The following NLRP2 variants were observed in gnomAD, a reference collection of about 807,000 sequenced individuals.
NLRP2 encodes NLR family pyrin domain containing 2.
NLRP2 carries 107 observed loss-of-function variants against 97.2 expected under a neutral mutation model. The ratio of observed to expected loss-of-function variants is 1.10; its 90% CI spans 0.94 to 1.29. The LOEUF is 1.29. Among genes scored for constraint, NLRP2 ranks in the 50% most tolerant of loss-of-function variants. NLRP2 has a pLI of 0.00. For missense variants in NLRP2, 1,495 were observed against 1,330.3 expected (o/e 1.12, Z -1.93); for synonymous variants, 663 against 551.5 (o/e 1.20, Z -2.83).
intron 4 of NLRP2, 108 bp from the exon 5 acceptor site, chr19:54,981,509 G>GTCC: frequency 2.6e-5 from 10 of 386,502 alleles, no homozygotes; most frequent in South Asian, 6.4e-5. Context: ...CTGATCCCGT[G>GTCC]CCCCCCCTCC....
At chr19:54,989,808 AC>A (rs1191793024) in intron 8 of NLRP2, 1 of 606,178 alleles carries the variant, frequency 1.6e-6, no homozygotes. Context: ...ACATGGAGAG[AC>A]CCCCACCTCT....
chr19:54,980,912 C>T lies in NLRP2; in HGVS notation c.398-705C>T, dbSNP rs373006920. 9.9e-5 allele frequency among the ~76,000 whole-genome samples: 15 copies of T among 152,174 alleles called. 1 individual carries two copies. Among genetic ancestry groups the T allele is most frequent in the East Asian group, 9.7e-4 (5 of 5,168 alleles). On this transcript the variant is annotated intron_variant, in intron 4 of 12. Transcript: ENST00000448584. ...ATCATCTGAGGTCAGCAGTTTTAGA[C>T]TGGCCTGGCCAACATGGCGAAACCC... is the stretch of plus-strand genomic sequence containing the variant.
At chr19:54,971,903 A>C (rs1420990497) in intron 2 of NLRP2, among the ~76,000 whole-genome samples, 1 of 151,728 alleles carries the variant, frequency 6.6e-6, no homozygotes, top group Non-Finnish European at 1.5e-5. Context: ...ATCTCGGCTC[A>C]CTGCAACCTC....
chr19:54,975,112 T>TTTTTTTTG (rs2071127062), intron 3 of NLRP2, among the ~76,000 whole-genome samples: 1 of 13,424 alleles, frequency 7.4e-5, no homozygotes, highest in Admixed American at 8.5e-4. Flanking sequence ...TTTTGTTTTT[T>TTTTTTTTG]TTTTTTTTTT....
rs1368136796 is a variant in NLRP2 at position 54,986,263 on chromosome 19, C to T, written c.2314C>T (p.Pro772Ser). The T allele has an allele frequency of 6.2e-7, 1 of 1,614,062 alleles. No individual in the cohort carries two copies. The highest frequency in any genetic ancestry group is 8.5e-7 in the Non-Finnish European group (1 of 1,179,972). The change falls in exon 8 of 13, where the codon CCC becomes TCC. Residue 772 changes from proline to serine, a missense_variant. Transcript: ENST00000448584. ...LQGNDQDDMF[P>S]ALCEVLRHPE... ...AGGCAATGACCAGGATGATATGTTT[C>T]CCGCATTGTGTGAGGTCTTGAGACA...
intron 2 of NLRP2, among the ~76,000 whole-genome samples, chr19:54,972,189 T>G (rs556739424): frequency 2.4e-4 from 37 of 151,602 alleles, no homozygotes; most frequent in South Asian, 1.7e-3. Context: ...TAACTTTTTT[T>G]TTTGTTTGTT....
intron 3 of NLRP2, 25 bp downstream of exon 3, chr19:54,974,569 T>C (rs974519659): frequency 4.7e-6 from 7 of 1,482,546 alleles, no homozygotes; most frequent in Non-Finnish European, 6.6e-6. Flanking sequence ...TTATAACTTT[T>C]ATTCTTCATG....
chr19:54,976,697 A>G (rs8101556), intron 3 of NLRP2, among the ~76,000 whole-genome samples: 2,230 of 151,638 alleles, frequency 0.015, 56 homozygotes, highest in African/African-American at 0.05. Flanking sequence ...TGAATTTCAC[A>G]TGCCCGTGTC....
chr19:54,984,329 G>GTGTGTTTTTTTTTTTGT lies in NLRP2; in HGVS notation c.2030+602_2030+603insGTGTTTTTTTTTTTGTT. On this transcript the variant is annotated intron_variant, in intron 6 of 12. Transcript: ENST00000448584. ...AACTTAAGTGGGGGTTTTTTTTTGT[G>GTGTGTTTTTTTTTTTGT]TTTTTTTTTTTTTTTTTTTTTTTGG... Among the ~76,000 whole-genome samples, 248 of 79,666 alleles carry GTGTGTTTTTTTTTTTGT rather than the reference G, an allele frequency of 3.1e-3. 10 individuals carry two copies. Among genetic ancestry groups the GTGTGTTTTTTTTTTTGT allele is most frequent in the Middle Eastern group, 8.8e-3 (1 of 114 alleles). The allele number at this position is 79,666 out of a possible 152,430, so 52.3% of individuals were successfully genotyped here.
At chr19:54,998,760 C>T (rs1437841158) in intron 12 of NLRP2, among the ~76,000 whole-genome samples, 1 of 149,214 alleles carries the variant, frequency 6.7e-6, no homozygotes, top group African/African-American at 2.5e-5. Flanking sequence ...CTCTGGTTTT[C>T]CTAGGCAGAG....
At chr19:54,992,459 C>T (rs1039263950) in intron 10 of NLRP2, among the ~76,000 whole-genome samples, 2 of 146,654 alleles carry the variant, frequency 1.4e-5, no homozygotes, top group African/African-American at 5.2e-5. Context: ...GTCACCGACT[C>T]ACTAACTGTA....
rs113902157 is a variant in NLRP2, at chr19:54,994,848, A to G, written c.2879+409A>G. ...CATCTCAAACTCCTGACCTCAGGTG[A>G]TCCGCCCATCTCGGCCTCCCAAAGT... On this transcript the variant is annotated intron_variant, in intron 11 of 12. Coordinates refer to ENST00000448584, the MANE Select transcript of NLRP2 (RefSeq NM_017852.5). 9.4e-3 allele frequency among the ~76,000 whole-genome samples: 1,430 copies of G among 151,680 alleles called. 14 individuals carry two copies. The highest frequency in any genetic ancestry group is 0.033 in the African/African-American group (1,366 of 41,394).
intron 2 of NLRP2, among the ~76,000 whole-genome samples, chr19:54,973,443 T>C (rs1209962785): frequency 1.3e-5 from 2 of 149,208 alleles, no homozygotes; most frequent in African/African-American, 4.9e-5. Flanking sequence ...TGGCGCGATC[T>C]CGGCTCACTG....
intron 10 of NLRP2, 150 bp downstream of exon 10, chr19:54,990,822 T>C: frequency 1.3e-6 from 1 of 769,772 alleles, no homozygotes; most frequent in South Asian, 1.5e-5. Context: ...GGGTAGATGA[T>C]GGTAGGAAAA....
chr19:54,969,463 G>C (rs958910019), intron 1 of NLRP2, among the ~76,000 whole-genome samples: 6 of 137,710 alleles, frequency 4.4e-5, no homozygotes, highest in African/African-American at 1.7e-4. Flanking sequence ...GGGTGACAAA[G>C]TGAGACTCCG....
At chr19:54,997,143 GATCC>G (rs1330058451) in intron 11 of NLRP2, among the ~76,000 whole-genome samples, 170 bp from the exon 12 acceptor site, 1 of 152,194 alleles carries the variant, frequency 6.6e-6, no homozygotes, top group African/African-American at 2.4e-5. Flanking sequence ...GACCTCAGGT[GATCC>G]ATCCACCTCG....
intron 4 of NLRP2, among the ~76,000 whole-genome samples, chr19:54,979,091 C>A (rs2071418642): frequency 6.6e-6 from 1 of 151,660 alleles, no homozygotes; most frequent in Admixed American, 6.6e-5. Flanking sequence ...TTCAAGGGGT[C>A]TTCCTGCCAC....
chr19:54,978,459 A>G (rs1198733796), intron 4 of NLRP2, among the ~76,000 whole-genome samples: 1 of 152,000 alleles, frequency 6.6e-6, no homozygotes, highest in Non-Finnish European at 1.5e-5. Flanking sequence ...GGTGGTCTCA[A>G]ACTCCTGACC....
intron 1 of NLRP2, among the ~76,000 whole-genome samples, chr19:54,967,597 T>C (rs1036379400): frequency 2.6e-5 from 4 of 152,090 alleles, no homozygotes; most frequent in Non-Finnish European, 5.9e-5. Flanking sequence ...TGTGTGCTTT[T>C]ATTTCTGTTC....
Sources: allele counts gnomAD v4.1 joint callset (sites outside exome capture counted in the v4.1 genomes callset), GRCh38; gene constraint gnomAD v4.1.1; transcripts MANE v1.5; gene names NCBI Gene and HGNC (gene_info 2026-07-23, HGNC 2026-07-21).